CCSER1: variants seen among roughly 807,000 people sequenced by gnomAD.
CCSER1 encodes the protein serine-rich coiled-coil domain-containing protein 1.
Under a neutral mutation model 82.0 loss-of-function variants are expected in CCSER1, and 41 were observed. The ratio of observed to expected loss-of-function variants is 0.50; its 90% CI spans 0.39 to 0.65. The LOEUF is 0.65. CCSER1 is among the 30% of genes least tolerant of loss of function. The pLI, the probability that CCSER1 is intolerant of heterozygous loss-of-function variation, is 0.00. For missense variants in CCSER1, 1,119 were observed against 1,064.2 expected, an observed-to-expected ratio of 1.05 and a Z score of -0.72; for synonymous variants, 414 against 383.9, an observed-to-expected ratio of 1.08 and a Z score of -0.92.
intron 9 of CCSER1, among the ~76,000 whole-genome samples, chr4:90,933,333 G>A (rs895783454): frequency 3.2e-4 from 49 of 151,396 alleles, no homozygotes; most frequent in South Asian, 6.3e-4. Flanking sequence ...GACTACAGGC[G>A]CCCGCCACCA....
chr4:90,330,494 GTA>G (rs1321583260), intron 3 of CCSER1, among the ~76,000 whole-genome samples: 10 of 152,016 alleles, frequency 6.6e-5, no homozygotes, highest in Non-Finnish European at 1.3e-4. Context: ...AATAATAAAA[GTA>G]CATAGAAAGT....
chr4:90,738,673 A>G (rs985749639), intron 7 of CCSER1, among the ~76,000 whole-genome samples: 5 of 152,090 alleles, frequency 3.3e-5, no homozygotes, highest in Non-Finnish European at 4.4e-5. Context: ...AGGCTCTACA[A>G]TCAGCATTTG....
In CCSER1 at chr4:91,032,573, T is replaced by A. The variant is rs572090004; in HGVS notation, c.2173-53377T>A. On this transcript the variant is annotated intron_variant, in intron 9 of 10. Transcript: ENST00000509176. ...CTTCAATTAACAAATAGGATTTTGA[T>A]AGATAGGAAGGAACACTGACCAAGA... Among the ~76,000 whole-genome samples the A allele has an allele frequency of 1.1e-4, 16 of 152,306 alleles. No individual in the cohort carries two copies. In the South Asian group the frequency reaches 2.7e-3, roughly 26 times the overall value.
chr4:91,128,172 C>A (rs181096039), intron 10 of CCSER1, among the ~76,000 whole-genome samples: 90 of 152,166 alleles, frequency 5.9e-4, no homozygotes, highest in African/African-American at 2.0e-3. Flanking sequence ...TCTACCCAGG[C>A]CCACGTGTTC....
At chr4:91,491,936 T>G (rs979550325) in intron 10 of CCSER1, among the ~76,000 whole-genome samples, 3 of 145,148 alleles carry the variant, frequency 2.1e-5, no homozygotes, top group African/African-American at 7.5e-5. Flanking sequence ...GTAGAATAAG[T>G]CATTGCTAAT....
At chr4:90,276,193 T>TCTTTCTTTCTTTCTTTCTTC (rs1727519958) in intron 1 of CCSER1, among the ~76,000 whole-genome samples, 2 of 35,482 alleles carry the variant, frequency 5.6e-5, no homozygotes, top group Non-Finnish European at 1.2e-4. Flanking sequence ...CTGTTTTCTT[T>TCTTTCTTTCTTTCTTTCTTC]CTTTCTTTCT....
intron 5 of CCSER1, among the ~76,000 whole-genome samples, chr4:90,523,690 C>T (rs1773406627): frequency 6.6e-6 from 1 of 152,010 alleles, no homozygotes; most frequent in Non-Finnish European, 1.5e-5. Context: ...AGCCATTTAA[C>T]CTTGAGCAGG....
chr4:91,138,906 G>A (rs1015636526), intron 10 of CCSER1, among the ~76,000 whole-genome samples: 2 of 152,126 alleles, frequency 1.3e-5, no homozygotes, highest in African/African-American at 4.8e-5. Context: ...TTTAGATTCT[G>A]GGGTTACATT....
At chr4:90,263,501 G>T (rs1297962979) in intron 1 of CCSER1, among the ~76,000 whole-genome samples, 1 of 152,190 alleles carries the variant, frequency 6.6e-6, no homozygotes, top group Non-Finnish European at 1.5e-5. Context: ...TAGTGAACTT[G>T]TCATGTGGAC....
intron 10 of CCSER1, among the ~76,000 whole-genome samples, chr4:91,160,685 A>T (rs1301497703): frequency 6.6e-6 from 1 of 152,192 alleles, no homozygotes; most frequent in African/African-American, 2.4e-5. Flanking sequence ...TTGGCTGCAT[A>T]AATGCCTTCT....
At chr4:90,530,699 G>A (rs1774392613) in intron 5 of CCSER1, among the ~76,000 whole-genome samples, 2 of 152,150 alleles carry the variant, frequency 1.3e-5, no homozygotes, top group African/African-American at 2.4e-5. Context: ...CATATAGGAA[G>A]ATCCTAGGTG....
chr4:91,145,468 A>T (rs1360522299), intron 10 of CCSER1, among the ~76,000 whole-genome samples: 1 of 151,968 alleles, frequency 6.6e-6, no homozygotes, highest in Non-Finnish European at 1.5e-5. Flanking sequence ...CTTAATATTG[A>T]TATGTGAGGT....
intron 10 of CCSER1, among the ~76,000 whole-genome samples, chr4:91,328,976 A>T (rs952400173): frequency 1.3e-5 from 2 of 149,852 alleles, no homozygotes; most frequent in African/African-American, 5.0e-5. Context: ...GCCATGTAAG[A>T]TGTGACTTTG....
intron 5 of CCSER1, among the ~76,000 whole-genome samples, chr4:90,548,530 C>G (rs17017155): frequency 0.078 from 11,928 of 151,970 alleles, 735 homozygotes; most frequent in African/African-American, 0.17. Flanking sequence ...AGAACAGATA[C>G]ACCAAACATC....
At chr4:90,724,659 T>C (rs1284656876) in intron 7 of CCSER1, 4 of 386,410 alleles carry the variant, frequency 1.0e-5, no homozygotes, top group South Asian at 6.1e-5. Context: ...AGGATTATTA[T>C]AAATAAAAAC....
At position 91,036,329 on chromosome 4, in the gene CCSER1, G is replaced by C. The variant is rs141202335; in HGVS notation, c.2173-49621G>C. 7.4e-4 allele frequency among the ~76,000 whole-genome samples: 113 copies of C among 152,164 alleles called. 4 individuals carry two copies. The East Asian group carries it at 0.021, about 29-fold the overall frequency. On this transcript the variant is annotated intron_variant, in intron 9 of 10. Coordinates refer to ENST00000509176, the MANE Select transcript of CCSER1 (RefSeq NM_001145065.2). Reference sequence around the variant, plus strand: ...CAAAATTAATTTGATGATTAATTTTGTGATTATTTCAAAATTAATATTTTT... The same window carrying C: ...CAAAATTAATTTGATGATTAATTTTCTGATTATTTCAAAATTAATATTTTT...
intron 8 of CCSER1, chr4:90,911,348 C>T (rs1301414820): frequency 4.4e-6 from 2 of 455,958 alleles, no homozygotes; most frequent in South Asian, 3.1e-5. Flanking sequence ...TATGCATGCC[C>T]CCATTAAAGG....
intron 9 of CCSER1, among the ~76,000 whole-genome samples, chr4:90,965,047 T>C (rs1243365794): frequency 6.6e-6 from 1 of 152,050 alleles, no homozygotes; most frequent in Non-Finnish European, 1.5e-5. Flanking sequence ...GTTTTATCAA[T>C]ATTTGAATTG....
chr4:91,596,212 TTAATA>T (rs1254883906), intron 10 of CCSER1, among the ~76,000 whole-genome samples: 1 of 151,940 alleles, frequency 6.6e-6, no homozygotes, highest in Non-Finnish European at 1.5e-5. Context: ...TATATTCAAT[TTAATA>T]TAATATGCCA....
Sources: allele counts gnomAD v4.1 joint callset (sites outside exome capture counted in the v4.1 genomes callset), GRCh38; gene constraint gnomAD v4.1.1; transcripts MANE v1.5; gene names NCBI Gene and HGNC (gene_info 2026-07-23, HGNC 2026-07-21).